The following DCC variants were observed in gnomAD, a reference collection of about 807,000 sequenced individuals.
The protein encoded by DCC is DCC netrin 1 receptor.
A neutral mutation model predicts 172.5 loss-of-function variants in DCC; 58 were observed. That is an observed-to-expected ratio of 0.34 (90% confidence interval 0.27 to 0.42). DCC has a LOEUF of 0.42. Among genes scored for constraint, DCC ranks in the 10% least tolerant of loss-of-function variants. The pLI is 1.00. For synonymous variants in DCC, 709 were observed against 644.5 expected, an observed-to-expected ratio of 1.10 and a Z score of -1.52; for missense variants, 1,740 against 1,791.0, an observed-to-expected ratio of 0.97 and a Z score of 0.51.
intron 25 of DCC, among the ~76,000 whole-genome samples, chr18:53,477,619 A>T (rs776993568): frequency 6.6e-6 from 1 of 152,186 alleles, no homozygotes; most frequent in South Asian, 2.1e-4. Flanking sequence ...GACATTTCTT[A>T]TTATGTGCTA....
intron 12 of DCC, among the ~76,000 whole-genome samples, chr18:53,301,586 A>C (rs2057142634): frequency 6.6e-6 from 1 of 152,060 alleles, no homozygotes; most frequent in South Asian, 2.1e-4. Flanking sequence ...CCCCTCCCCA[A>C]ACCCTGCCTC....
intron 5 of DCC, among the ~76,000 whole-genome samples, chr18:52,952,564 T>C (rs1232437794): frequency 1.3e-5 from 2 of 152,238 alleles, no homozygotes; most frequent in African/African-American, 4.8e-5. Flanking sequence ...ATTCATTGTA[T>C]GAAAAGCTTT....
intron 1 of DCC, among the ~76,000 whole-genome samples, chr18:52,379,296 A>T (rs1985487252): frequency 1.3e-5 from 2 of 152,104 alleles, no homozygotes. Flanking sequence ...CTTAGTGAGA[A>T]ATCAAAGTGT....
At chr18:53,076,079 T>C (rs376922325) in intron 7 of DCC, among the ~76,000 whole-genome samples, 64 of 152,308 alleles carry the variant, frequency 4.2e-4, no homozygotes, top group African/African-American at 1.4e-3. Flanking sequence ...ATTTTCCTTC[T>C]TTCCCAACTC....
At chr18:53,234,496 C>T (rs1287812486) in intron 12 of DCC, among the ~76,000 whole-genome samples, 1 of 152,048 alleles carries the variant, frequency 6.6e-6, no homozygotes, top group South Asian at 2.1e-4. Context: ...CTTCAAGACC[C>T]CAGATATCAC....
intron 16 of DCC, 112 bp from the exon 17 acceptor site, chr18:53,391,543 A>G: frequency 1.4e-6 from 1 of 740,252 alleles, no homozygotes; most frequent in Non-Finnish European, 2.5e-6. Context: ...CCCTTTCATC[A>G]TTATTGCCAT....
intron 1 of DCC, among the ~76,000 whole-genome samples, chr18:52,729,604 G>A (rs982575002): frequency 2.0e-5 from 3 of 152,108 alleles, no homozygotes; most frequent in African/African-American, 7.2e-5. Context: ...CTATCTCTTT[G>A]CTGGGTTATA....
chr18:53,040,271 A>G, intron 5 of DCC, among the ~76,000 whole-genome samples: 1 of 151,880 alleles, frequency 6.6e-6, no homozygotes, highest in Middle Eastern at 3.2e-3. Flanking sequence ...TTAAATCCCA[A>G]CCCAATAACC....
chr18:53,044,409 A>G (rs1317625439), intron 5 of DCC, among the ~76,000 whole-genome samples: 1 of 150,470 alleles, frequency 6.6e-6, no homozygotes, highest in Admixed American at 6.6e-5. Flanking sequence ...ATTGAAATTC[A>G]GGAAGCTTGA....
At chr18:53,217,435 C>T (rs570981561) in intron 12 of DCC, among the ~76,000 whole-genome samples, 41 of 151,996 alleles carry the variant, frequency 2.7e-4, no homozygotes, top group Non-Finnish European at 5.4e-4. Flanking sequence ...TGGAACATTG[C>T]ACTGCTAGAA....
intron 1 of DCC, among the ~76,000 whole-genome samples, chr18:52,572,970 T>G (rs907045625): frequency 6.6e-6 from 1 of 152,210 alleles, no homozygotes; most frequent in Non-Finnish European, 1.5e-5. Flanking sequence ...CTCTTAAAAG[T>G]GTTTAGTGTC....
chr18:52,508,828 A>G (rs2144642489), intron 1 of DCC, among the ~76,000 whole-genome samples: 1 of 152,332 alleles, frequency 6.6e-6, no homozygotes, highest in South Asian at 2.1e-4. Context: ...TACACAATTT[A>G]CAGATGAAAA....
chr18:52,555,621 G>A (rs1052684940), intron 1 of DCC, among the ~76,000 whole-genome samples: 1 of 151,974 alleles, frequency 6.6e-6, no homozygotes, highest in African/African-American at 2.4e-5. Flanking sequence ...TTTGATATTG[G>A]CCATTAATAA....
At position 53,534,057 on chromosome 18, in the gene DCC, T is replaced by A. The variant is rs945990100; in HGVS notation, c.*3404T>A. 6.6e-6 allele frequency: 1 copy of A among 152,204 alleles called. No individual in the cohort carries two copies. The highest frequency in any genetic ancestry group is 1.5e-5 in the Non-Finnish European group (1 of 68,032). The allele number at this position is 152,204 out of a possible 1,614,324, so 9.4% of individuals were successfully genotyped here. ...TGTGCTTGAAGATGATTGCTGATACTTATCCACCCTTTGGGTACTTCTGTT... is the reference window on the plus strand; with the variant it reads ...TGTGCTTGAAGATGATTGCTGATACATATCCACCCTTTGGGTACTTCTGTT... On this transcript the variant is annotated 3_prime_UTR_variant, in exon 29 of 29. Transcript: ENST00000442544.
intron 15 of DCC, among the ~76,000 whole-genome samples, chr18:53,371,885 A>C (rs1350839947): frequency 1.3e-5 from 2 of 152,110 alleles, no homozygotes; most frequent in Non-Finnish European, 1.5e-5. Context: ...TAATCATTAG[A>C]AATATGCAAA....
chr18:52,785,891 T>G (rs1170446447), intron 2 of DCC, among the ~76,000 whole-genome samples: 1 of 152,070 alleles, frequency 6.6e-6, no homozygotes, highest in Non-Finnish European at 1.5e-5. Context: ...CAACTATTAT[T>G]TTTAGGACAA....
intron 5 of DCC, among the ~76,000 whole-genome samples, chr18:53,041,110 G>GTGCCTATGTCCTGACTGGTAT (rs74178699): frequency 6.6e-6 from 1 of 150,756 alleles, no homozygotes; most frequent in East Asian, 2.0e-4. Context: ...GTCTTTGCCC[G>GTGCCTATGTCCTGACTGGTAT]TGCCTAGGTT....
chr18:53,132,309 T>G (rs1251208740), intron 7 of DCC, among the ~76,000 whole-genome samples: 1 of 152,020 alleles, frequency 6.6e-6, no homozygotes, highest in Non-Finnish European at 1.5e-5. Flanking sequence ...AGCTACTAAC[T>G]TGGGGTTATT....
intron 2 of DCC, among the ~76,000 whole-genome samples, chr18:52,879,412 C>CCTTTTTTTTTT (rs2039447955): frequency 3.2e-5 from 2 of 62,356 alleles, no homozygotes; most frequent in African/African-American, 6.9e-5. Flanking sequence ...TGTTGTTTGG[C>CCTTTTTTTTTT]TTTTTTTTTT....
Sources: gnomAD v4.1 joint callset for allele counts (sites outside exome capture counted in the v4.1 genomes callset) on GRCh38, gnomAD v4.1.1 for gene constraint, MANE v1.5 for transcripts, NCBI Gene and HGNC (gene_info 2026-07-23, HGNC 2026-07-21) for gene names.